Variants in CYB5RL observed in about 807,000 individuals in gnomAD.
The protein encoded by CYB5RL is cytochrome b5 reductase like, also known as NADH-cytochrome b5 reductase-like.
In CYB5RL, 38 loss-of-function variants were observed where a neutral mutation model predicts 37.5. The ratio of observed to expected loss-of-function variants is 1.01; its 90% CI spans 0.78 to 1.33. CYB5RL has a LOEUF of 1.33. Ranked by LOEUF, CYB5RL falls within the 40% of genes most tolerant of loss-of-function variation. The pLI is 0.00. For missense variants in CYB5RL, 388 were observed against 394.4 expected (o/e 0.98, Z 0.14); for synonymous variants, 141 against 151.9 (o/e 0.93, Z 0.53).
chr1:54,175,049 C>A (rs538340667), intron 7 of CYB5RL, among the ~76,000 whole-genome samples: 1 of 152,276 alleles, frequency 6.6e-6, no homozygotes, highest in Admixed American at 6.5e-5. Context: ...AGGGACTTCC[C>A]TGTGGCACAC....
rs1659965073 is a variant in CYB5RL at position 54,174,293 on chromosome 1, C to T, written c.*326G>A. 2.7e-6 allele frequency: 1 copy of T among 363,768 alleles called. No individual in the cohort carries two copies. The highest frequency in any genetic ancestry group is 5.2e-6 in the Non-Finnish European group (1 of 190,752). 22.5% of individuals were successfully genotyped at this position (363,768 alleles called of 1,614,324 possible). A position where few individuals can be genotyped will look rare whatever the true frequency, so the allele number is the denominator to read the frequency against. ...CAGGGAAGCTCCTCCCGACTCTTCC[C>T]CTGCCCAACTCCTACTCCTCCTGGG... On this transcript the variant is annotated 3_prime_UTR_variant, in exon 8 of 8. Coordinates refer to ENST00000534324, the MANE Select transcript of CYB5RL (RefSeq NM_001031672.4).
chr1:54,195,947 C>A (rs1318268824), intron 2 of CYB5RL, among the ~76,000 whole-genome samples: 1 of 152,162 alleles, frequency 6.6e-6, no homozygotes, highest in Non-Finnish European at 1.5e-5. Context: ...CTTCAGGAAA[C>A]CTGGTTCTAC....
chr1:54,187,936 T>G, intron 4 of CYB5RL, 197 bp from the exon 5 acceptor site: 1 of 555,530 alleles, frequency 1.8e-6, no homozygotes, highest in Non-Finnish European at 3.2e-6. Flanking sequence ...TTTAGCTGGG[T>G]GTGGTGGCTC....
chr1:54,181,656 C>A (rs1352195349), intron 6 of CYB5RL, among the ~76,000 whole-genome samples: 1 of 152,150 alleles, frequency 6.6e-6, no homozygotes, highest in East Asian at 1.9e-4. Flanking sequence ...GCCTCCCTAG[C>A]TAAGAAATCC....
At chr1:54,189,535 G>C (rs930208259) in intron 4 of CYB5RL, among the ~76,000 whole-genome samples, 3 of 152,150 alleles carry the variant, frequency 2.0e-5, no homozygotes, top group African/African-American at 7.2e-5. Flanking sequence ...TTACGGAGGC[G>C]ATGTGGTACC....
chr1:54,185,168 A>G (rs1660260043), intron 5 of CYB5RL: 1 of 152,276 alleles, frequency 6.6e-6, no homozygotes, highest in Non-Finnish European at 1.5e-5. Flanking sequence ...CCTAAGTCTC[A>G]GACATATACA....
rs1659852817 is a variant in CYB5RL, at chr1:54,169,929, TAC to T, written c.*4688_*4689del. The T allele has an allele frequency of 2.6e-5, 4 of 152,334 alleles. No homozygotes were observed. Among genetic ancestry groups the T allele is most frequent in the Admixed American group, 1.3e-4 (2 of 15,300 alleles). The allele number at this position is 152,334 out of a possible 1,614,324, so 9.4% of individuals were successfully genotyped here. A position where few individuals can be genotyped will look rare whatever the true frequency, so the allele number is the denominator to read the frequency against. Reference sequence around the variant, plus strand: ...AGCATTTAGCATTATTTTGGGTTTTTACAGTTTCCAAGTACAGGTATCTCACT... The same window carrying T: ...AGCATTTAGCATTATTTTGGGTTTTTAGTTTCCAAGTACAGGTATCTCACT... On this transcript the variant is annotated 3_prime_UTR_variant, in exon 8 of 8. Coordinates refer to ENST00000534324, the MANE Select transcript of CYB5RL (RefSeq NM_001031672.4).
intron 7 of CYB5RL, 82 bp downstream of exon 7, chr1:54,179,067 G>A (rs1189236475): frequency 2.0e-6 from 3 of 1,492,720 alleles, no homozygotes; most frequent in Non-Finnish European, 2.7e-6. Context: ...ATTGCCAAAA[G>A]AGGCTAGAGC....
chr1:54,177,098 T>C (rs1254388507), intron 7 of CYB5RL, among the ~76,000 whole-genome samples: 2 of 152,016 alleles, frequency 1.3e-5, no homozygotes, highest in African/African-American at 2.4e-5. Flanking sequence ...GGGAGGCAGT[T>C]CCCAGGCATG....
At chr1:54,183,046 T>C in intron 6 of CYB5RL, among the ~76,000 whole-genome samples, 1 of 152,230 alleles carries the variant, frequency 6.6e-6, no homozygotes, top group Non-Finnish European at 1.5e-5. Flanking sequence ...AACATTTCAT[T>C]GCATTTTCTT....
Position 54,183,531 on chromosome 1 carries a change from A to G in CYB5RL, c.540+630T>C, listed in dbSNP as rs533477762. 3.9e-5 allele frequency among the ~76,000 whole-genome samples: 6 copies of G among 152,334 alleles called. No homozygotes were observed. In the East Asian group the frequency reaches 1.2e-3, roughly 29 times the overall value. On this transcript the variant is annotated intron_variant, in intron 6 of 7. Coordinates refer to ENST00000534324, the MANE Select transcript of CYB5RL (RefSeq NM_001031672.4). ...GCTAGGAAGCAGGAAGCCATGGGGCATATTTAGTCATGTGACTGTACTGTG... is the reference window on the plus strand; with the variant it reads ...GCTAGGAAGCAGGAAGCCATGGGGCGTATTTAGTCATGTGACTGTACTGTG...
chr1:54,192,753 T>C (rs1418355175), intron 3 of CYB5RL, among the ~76,000 whole-genome samples: 2 of 151,718 alleles, frequency 1.3e-5, no homozygotes, highest in African/African-American at 4.8e-5. Flanking sequence ...ATCACTACCC[T>C]GTGTTTCTTT....
intron 7 of CYB5RL, among the ~76,000 whole-genome samples, chr1:54,176,540 A>C (rs1660023951): frequency 6.6e-6 from 1 of 152,108 alleles, no homozygotes; most frequent in Non-Finnish European, 1.5e-5. Flanking sequence ...TCAAAACAAA[A>C]CAAACAGGGT....
rs1659898752 is a variant in CYB5RL at position 54,171,807 on chromosome 1, C to CA, written c.*2811dup. The CA allele has an allele frequency of 3.6e-6, 1 of 279,816 alleles. No homozygotes were observed. The highest frequency in any genetic ancestry group is 7.1e-6 in the Non-Finnish European group (1 of 141,596). The allele number at this position is 279,816 out of a possible 1,614,324, so 17.3% of individuals were successfully genotyped here. The stretch of plus-strand genomic sequence containing the variant: ...CCCACAGCTCCAAGAGGTCTGAACT[C>CA]ACACACCACACCCCACACTCTTCTT... On this transcript the variant is annotated 3_prime_UTR_variant, in exon 8 of 8. Transcript: ENST00000534324.
At chr1:54,192,512 A>G (rs2100481123) in intron 3 of CYB5RL, among the ~76,000 whole-genome samples, 1 of 152,048 alleles carries the variant, frequency 6.6e-6, no homozygotes, top group East Asian at 1.9e-4. Flanking sequence ...ATGTGGTATC[A>G]TTTAAATTTC....
At position 54,179,189 on chromosome 1, in the gene CYB5RL, G is replaced by A. The variant is rs571078086; in HGVS notation, c.704C>T (p.Ala235Val). ...GAAGGTACGGACATTCCAGAAACGG[G>A]CCTGCTCTTGGAGGAAGGTTTTCAG... ...IYLKTFLQEQ[A>V]RFWNVRTFFV... Residue 235 changes from alanine (A) to valine (V), a missense_variant, in exon 7 of 8, where the codon GCC (alanine) becomes GTC (valine). By Grantham distance (64) the Ala-to-Val change is moderately conservative. Transcript: ENST00000534324. The A allele has an allele frequency of 3.7e-6, 6 of 1,613,646 alleles. No individual in the cohort carries two copies. The African/African-American group carries it at 5.3e-5, about 14-fold the overall frequency.
At chr1:54,196,800 C>T (rs1644011261) in intron 1 of CYB5RL, among the ~76,000 whole-genome samples, 1 of 152,158 alleles carries the variant, frequency 6.6e-6, no homozygotes, top group South Asian at 2.1e-4. Context: ...TGTCTGGTTT[C>T]AAAACATATC....
chr1:54,174,900 C>T, intron 7 of CYB5RL, 78 bp from the exon 8 acceptor site: 1 of 1,474,434 alleles, frequency 6.8e-7, no homozygotes, highest in Non-Finnish European at 9.2e-7. Flanking sequence ...CTCTCCTCTG[C>T]AAAATGAGGA....
chr1:54,194,662 A>G (rs1191840612), intron 3 of CYB5RL, among the ~76,000 whole-genome samples: 2 of 152,168 alleles, frequency 1.3e-5, no homozygotes, highest in African/African-American at 4.8e-5. Flanking sequence ...GAAAAAAAAA[A>G]GTGATTACGA....
Sources: allele counts gnomAD v4.1 joint callset (sites outside exome capture counted in the v4.1 genomes callset), GRCh38; gene constraint gnomAD v4.1.1; transcripts MANE v1.5; gene names NCBI Gene and HGNC (gene_info 2026-07-23, HGNC 2026-07-21).